The following FSIP2 variants were observed in gnomAD, a reference collection of about 807,000 sequenced individuals.
FSIP2 encodes the protein fibrous sheath-interacting protein 2.
FSIP2 carries 367 observed loss-of-function variants against 510.5 expected under a neutral mutation model. That is an observed-to-expected ratio of 0.72 (90% CI 0.66 to 0.78). FSIP2 has a LOEUF of 0.78. Among genes scored for constraint, FSIP2 ranks in the 30% least tolerant of loss-of-function variants. FSIP2 has a pLI of 0.00. For missense variants in FSIP2, 7,594 were observed against 7,901.7 expected (o/e 0.96, Z 1.48); for synonymous variants, 2,601 against 2,732.2 (o/e 0.95, Z 1.50).
rs756054169 is a variant in FSIP2, at chr2:185,807,336, T to C, written c.18030T>C (p.His6010=). ...TSSPYTIILP[H]KFLENVISAL... ...CACCATATACAATAATATTACCTCA[T>C]AAATTTTTGGAGAATGTGATTTCTG... The change falls in exon 17 of 23, where the codon CAT becomes CAC. Residue 6010 remains histidine, a synonymous_variant. Transcript: ENST00000424728. 1 of 1,611,414 alleles carries C rather than the reference T, an allele frequency of 6.2e-7. No homozygotes were observed. Among genetic ancestry groups the C allele is most frequent in the Non-Finnish European group, 8.5e-7 (1 of 1,178,980 alleles).
intron 2 of FSIP2, chr2:185,740,620 G>A (rs1301726160): frequency 2.0e-5 from 3 of 152,140 alleles, no homozygotes; most frequent in Admixed American, 1.3e-4. Context: ...AGACTGGGTG[G>A]CTTAGAAATA....
upstream of FSIP2, among the ~76,000 whole-genome samples, chr2:185,737,699 G>A (rs549930694): frequency 6.6e-6 from 1 of 151,960 alleles, no homozygotes; most frequent in East Asian, 1.9e-4. Context: ...TTCCTGTTTT[G>A]GTGAAAGTTG....
chr2:185,805,060 G>A lies in FSIP2; in HGVS notation c.15754G>A (p.Asp5252Asn). The change falls in exon 17 of 23, where the codon GAT becomes AAT. Residue 5252 changes from aspartate to asparagine, a missense_variant. Transcript: ENST00000424728. ...AGAATCATCTTTCAGTGACTTATCT[G>A]ATTATGACCATGTCTCTGAACTTGC... ...GEESSFSDLS[D>N]YDHVSELAKS... 1 of 1,602,336 alleles carries A rather than the reference G, an allele frequency of 6.2e-7. No homozygotes were observed. The highest frequency in any genetic ancestry group is 8.5e-7 in the Non-Finnish European group (1 of 1,176,464).
intron 5 of FSIP2, among the ~76,000 whole-genome samples, chr2:185,746,317 G>T (rs1188965055): frequency 6.6e-6 from 1 of 151,482 alleles, no homozygotes; most frequent in Non-Finnish European, 1.5e-5. Context: ...TGAAGTTACT[G>T]TTTCAGTTAT....
In FSIP2 at chr2:185,746,739, A is replaced by G. The variant is rs1354773245; in HGVS notation, c.688A>G (p.Met230Val). The G allele has an allele frequency of 1.3e-6, 2 of 1,532,466 alleles. No homozygotes were observed. The highest frequency in any genetic ancestry group is 8.7e-7 in the Non-Finnish European group (1 of 1,145,192). The allele number at this position is 1,532,466 out of a possible 1,614,324, so 94.9% of individuals were successfully genotyped here. Reference protein sequence around the residue: ...RTAEEQRLFLMDREERRQREH... With the variant: ...RTAEEQRLFLVDREERRQREH... ...AGCAGAAGAACAACGCCTATTCCTAATGGATAGAGAAGAAAGACGACAGCG... is the reference window on the plus strand; with the variant it reads ...AGCAGAAGAACAACGCCTATTCCTAGTGGATAGAGAAGAAAGACGACAGCG... Residue 230 changes from methionine to valine, a missense_variant, in exon 6 of 23, where the codon ATG (methionine) becomes GTG (valine). By Grantham distance (21) the Met-to-Val change is conservative. Coordinates refer to ENST00000424728, the MANE Select transcript of FSIP2 (RefSeq NM_173651.4).
intron 19 of FSIP2, among the ~76,000 whole-genome samples, chr2:185,818,503 AATATC>A (rs1305611213): frequency 3.3e-5 from 5 of 151,954 alleles, no homozygotes; most frequent in Admixed American, 1.3e-4. Context: ...TGAACACAAA[AATATC>A]ATATCAAGAC....
chr2:185,739,435 C>G lies in FSIP2; in HGVS notation c.189C>G (p.Ser63Arg). 6.5e-7 allele frequency: 1 copy of G among 1,533,604 alleles called. No homozygotes were observed. Among genetic ancestry groups the G allele is most frequent in the Non-Finnish European group, 8.7e-7 (1 of 1,145,780 alleles). The allele number at this position is 1,533,604 out of a possible 1,614,324, so 95.0% of individuals were successfully genotyped here. ...LGVKLPVIPG[S>R]NAVFYTTNFG... is the part of the protein sequence containing the mutation. ...TCAAGCTGCCTGTGATCCCAGGAAG[C>G]AATGCTGTATTCTATACTACGAATT... Residue 63 changes from serine to arginine, a missense_variant, in exon 2 of 23, where the codon AGC becomes AGG. Transcript: ENST00000424728.
chr2:185,751,486 T>TGTGCGC lies in FSIP2; in HGVS notation c.871-2233_871-2232insCGCGTG, dbSNP rs1553493308. On this transcript the variant is annotated intron_variant, in intron 7 of 22. Coordinates refer to ENST00000424728, the MANE Select transcript of FSIP2 (RefSeq NM_173651.4). ...CTGTGTGTGTGTGTGTGTGTGTGTG[T>TGTGCGC]GTGTGTGTGTGTGGTTACTACTCAT... Among the ~76,000 whole-genome samples the TGTGCGC allele has an allele frequency of 4.5e-3, 678 of 149,630 alleles. 6 individuals carry two copies. Among genetic ancestry groups the TGTGCGC allele is most frequent in the Non-Finnish European group, 6.7e-3 (446 of 66,920 alleles).
rs756110790 is a variant in FSIP2 at position 185,804,011 on chromosome 2, A to G, written c.14705A>G (p.Glu4902Gly). 6.7e-7 allele frequency: 1 copy of G among 1,498,432 alleles called. No individual in the cohort carries two copies. Among genetic ancestry groups the G allele is most frequent in the South Asian group, 1.3e-5 (1 of 78,486 alleles). The allele number at this position is 1,498,432 out of a possible 1,614,324, so 92.8% of individuals were successfully genotyped here. A position where few individuals can be genotyped will look rare whatever the true frequency, so the allele number is the denominator to read the frequency against. ...VSKIASFIIKEIFNHHIQSFL... is the reference protein window; with the variant it reads ...VSKIASFIIKGIFNHHIQSFL... ...AAAATAGCGAGTTTTATAATAAAAG[A>G]AATCTTTAACCATCATATTCAATCA... is the stretch of plus-strand genomic sequence containing the variant. Residue 4902 changes from glutamate (E) to glycine (G), a missense_variant, in exon 17 of 23, where the codon GAA becomes GGA. Transcript: ENST00000424728.
intron 7 of FSIP2, among the ~76,000 whole-genome samples, chr2:185,748,641 T>A (rs982757029): frequency 6.6e-6 from 1 of 152,048 alleles, no homozygotes; most frequent in African/African-American, 2.4e-5. Context: ...TTTTGCCTAA[T>A]GTCAATTACT....
In FSIP2 at chr2:185,790,615, T is replaced by C. The variant is rs1454211421; in HGVS notation, c.3479T>C (p.Val1160Ala). ...HQEWIDQMFSVSEISTVAQEI... is the reference protein window; with the variant it reads ...HQEWIDQMFSASEISTVAQEI... Reference sequence around the variant, plus strand: ...GAATGGATAGACCAGATGTTTTCTGTTTCAGAAATCAGTACAGTGGCTCAA... The same window carrying C: ...GAATGGATAGACCAGATGTTTTCTGCTTCAGAAATCAGTACAGTGGCTCAA... Residue 1160 changes from valine (V) to alanine (A), a missense_variant, in exon 16 of 23, where the codon GTT (valine) becomes GCT (alanine). Physicochemically the swap from Val to Ala is moderately conservative, Grantham distance 64. Coordinates refer to ENST00000424728, the MANE Select transcript of FSIP2 (RefSeq NM_173651.4). The C allele has an allele frequency of 6.5e-7, 1 of 1,534,058 alleles. No homozygotes were observed. The highest frequency in any genetic ancestry group is 2.4e-5 in the East Asian group (1 of 40,844).
chr2:185,792,509 T>C lies in FSIP2; in HGVS notation c.5373T>C (p.Ser1791=). 6.5e-7 allele frequency: 1 copy of C among 1,528,388 alleles called. No homozygotes were observed. The allele number at this position is 1,528,388 out of a possible 1,614,324, so 94.7% of individuals were successfully genotyped here. A position where few individuals can be genotyped will look rare whatever the true frequency, so the allele number is the denominator to read the frequency against. ...ATATTTTGAATGAAATTTTTCAAAG[T>C]ACTTTAATCAATCAATTAAATGTCC... is the stretch of plus-strand genomic sequence containing the variant. The part of the protein sequence containing the change: ...IRNILNEIFQ[S]TLINQLNVLS... The change falls in exon 16 of 23, where the codon AGT becomes AGC. Residue 1791 remains serine (S), a synonymous_variant. Transcript: ENST00000424728.
intron 13 of FSIP2, among the ~76,000 whole-genome samples, chr2:185,778,074 G>C (rs1692766078): frequency 6.6e-6 from 1 of 151,886 alleles, no homozygotes; most frequent in South Asian, 2.1e-4. Flanking sequence ...GCAAGTAACT[G>C]CTTTTTTTAT....
intron 8 of FSIP2, 144 bp from the exon 9 acceptor site, chr2:185,756,048 A>G (rs1248752427): frequency 8.5e-6 from 3 of 354,788 alleles, no homozygotes; most frequent in Non-Finnish European, 1.0e-5. Flanking sequence ...ACATCACTGT[A>G]TCTTCTCCAA....
chr2:185,772,111 G>C (rs565559477), intron 13 of FSIP2, among the ~76,000 whole-genome samples: 7 of 152,260 alleles, frequency 4.6e-5, no homozygotes, highest in African/African-American at 1.4e-4. Flanking sequence ...ATTTCCATCT[G>C]AAATCTTATC....
At position 185,796,743 on chromosome 2, in the gene FSIP2, T is replaced by G. The variant is rs1240402479; in HGVS notation, c.9607T>G (p.Ser3203Ala). ...AGATATGAAAGAAAAGTACAGGGTT[T>G]CATCAGATTTACCCACCTCTGTCAG... ...DEDMKEKYRV[S>A]SDLPTSVRSS... is the part of the protein sequence containing the mutation. The change falls in exon 16 of 23, where the codon TCA becomes GCA. Residue 3203 changes from serine (S) to alanine (A), a missense_variant. Coordinates refer to ENST00000424728, the MANE Select transcript of FSIP2 (RefSeq NM_173651.4). 3 of 1,535,008 alleles carry G rather than the reference T, an allele frequency of 2.0e-6. No homozygotes were observed. In the African/African-American group the frequency reaches 4.1e-5, roughly 21 times the overall value.
At chr2:185,816,524 C>CA (rs1693828784) in intron 19 of FSIP2, among the ~76,000 whole-genome samples, 1 of 151,750 alleles carries the variant, frequency 6.6e-6, no homozygotes, top group South Asian at 2.1e-4. Context: ...CGGTCTGCAG[C>CA]AACCAAATGA....
At chr2:185,751,500 G>GTGTGTGT (rs1553493318) in intron 7 of FSIP2, among the ~76,000 whole-genome samples, 3 of 58,574 alleles carry the variant, frequency 5.1e-5, no homozygotes, top group Admixed American at 1.8e-4. Context: ...TGTGTGTGTG[G>GTGTGTGT]TTACTACTCA....
In FSIP2 at chr2:185,807,513, T is replaced by C. The variant is rs778196973; in HGVS notation, c.18207T>C (p.Tyr6069=). The change falls in exon 17 of 23, where the codon TAT becomes TAC. Residue 6069 remains tyrosine, a synonymous_variant. Coordinates refer to ENST00000424728, the MANE Select transcript of FSIP2 (RefSeq NM_173651.4). ...AAGATAAATATATGACTATACAGTA[T>C]GTAGAAACCTTACAATCTGATGATG... ...ISQDKYMTIQ[Y]VETLQSDDDE... is the part of the protein sequence containing the mutation. 13 of 1,611,406 alleles carry C rather than the reference T, an allele frequency of 8.1e-6. No homozygotes were observed. The highest frequency in any genetic ancestry group is 9.3e-6 in the Non-Finnish European group (11 of 1,178,384).
Sources: allele counts gnomAD v4.1 joint callset (sites outside exome capture counted in the v4.1 genomes callset), GRCh38; gene constraint gnomAD v4.1.1; transcripts MANE v1.5; gene names NCBI Gene and HGNC (gene_info 2026-07-23, HGNC 2026-07-21).